CNBD1: variants seen among roughly 807,000 people sequenced by gnomAD.
The protein encoded by CNBD1 is cyclic nucleotide binding domain containing 1.
Under a neutral mutation model 54.4 loss-of-function variants are expected in CNBD1, and 71 were observed. That is an observed-to-expected ratio of 1.30 (90% CI 1.08 to 1.59). CNBD1 has a LOEUF of 1.59. Among genes scored for constraint, CNBD1 ranks in the 40% most tolerant of loss-of-function variants. The pLI, the probability that CNBD1 is intolerant of heterozygous loss-of-function variation, is 0.00. For missense variants in CNBD1, 659 were observed against 518.0 expected (o/e 1.27, Z -2.64); for synonymous variants, 182 against 170.7 (o/e 1.07, Z -0.51).
At chr8:87,240,778 C>T (rs955457678) in intron 6 of CNBD1, among the ~76,000 whole-genome samples, 6 of 152,096 alleles carry the variant, frequency 3.9e-5, no homozygotes, top group African/African-American at 1.4e-4. Flanking sequence ...GGCTCGTTTT[C>T]TCAGGGTGTT....
intron 10 of CNBD1, among the ~76,000 whole-genome samples, chr8:87,368,843 GTGCAAATC>G (rs1478703850): frequency 2.0e-5 from 3 of 151,858 alleles, no homozygotes; most frequent in African/African-American, 7.3e-5. Context: ...GTTACATTCT[GTGCAAATC>G]TGCCATAGGA....
At position 87,206,149 on chromosome 8, in the gene CNBD1, A is replaced by G; in HGVS notation, c.577+11A>G. 1 of 1,536,644 alleles carries G rather than the reference A, an allele frequency of 6.5e-7. No individual in the cohort carries two copies. The highest frequency in any genetic ancestry group is 8.8e-7 in the Non-Finnish European group (1 of 1,142,694). Reference sequence around the variant, plus strand: ...TGAAAGGCAGCACAGGTAATAGACTAATGTGGGATAAATTTGGCGAGATAA... The same window carrying G: ...TGAAAGGCAGCACAGGTAATAGACTGATGTGGGATAAATTTGGCGAGATAA... On this transcript the variant is annotated intron_variant, in intron 5 of 10. Transcript: ENST00000518476.
At chr8:87,280,638 CA>C (rs1049638679) in intron 6 of CNBD1, among the ~76,000 whole-genome samples, 1 of 151,348 alleles carries the variant, frequency 6.6e-6, no homozygotes, top group East Asian at 1.9e-4. Flanking sequence ...AAAATAAGGA[CA>C]AAAATTATAC....
intron 4 of CNBD1, among the ~76,000 whole-genome samples, chr8:87,147,281 G>T (rs1812510049): frequency 1.3e-5 from 2 of 151,922 alleles, no homozygotes; most frequent in South Asian, 2.1e-4. Context: ...CTAATTTCCA[G>T]AATATAACAT....
intron 3 of CNBD1, among the ~76,000 whole-genome samples, chr8:86,936,023 C>G (rs1199201579): frequency 6.6e-6 from 1 of 151,992 alleles, no homozygotes; most frequent in Non-Finnish European, 1.5e-5. Flanking sequence ...ACCTGTAGTA[C>G]CAGCTACTTG....
chr8:87,318,887 C>T (rs1809459600), intron 8 of CNBD1, among the ~76,000 whole-genome samples: 1 of 151,988 alleles, frequency 6.6e-6, no homozygotes, highest in Admixed American at 6.6e-5. Flanking sequence ...CATCTTAACA[C>T]TATCTTTCAT....
chr8:87,273,958 C>T (rs1808423191), intron 6 of CNBD1, among the ~76,000 whole-genome samples: 1 of 140,592 alleles, frequency 7.1e-6, no homozygotes, highest in Non-Finnish European at 1.5e-5. Flanking sequence ...GAGTGATGTT[C>T]CCCTTCCTGT....
intron 2 of CNBD1, among the ~76,000 whole-genome samples, chr8:87,400,333 CTGGATTG>C (rs1207529320): frequency 7.9e-5 from 12 of 151,954 alleles, no homozygotes; most frequent in African/African-American, 2.2e-4. Context: ...GGTACCAGGA[CTGGATTG>C]CTGGAATTGA....
rs117125681 is a variant in CNBD1, at chr8:86,928,177, C to A, written c.273-11419C>A. Among the ~76,000 whole-genome samples the A allele has an allele frequency of 3.2e-3, 481 of 152,128 alleles. 10 individuals carry two copies. In the East Asian group the frequency reaches 0.054, roughly 17 times the overall value. ...TAGGGTTTTAAGGTTTTGTTGATAT[C>A]TTGCCAAAGAAGTTATATCCTTGAC... On this transcript the variant is annotated intron_variant, in intron 3 of 10. Transcript: ENST00000518476.
intron 4 of CNBD1, among the ~76,000 whole-genome samples, chr8:86,940,618 A>G (rs1809637484): frequency 6.6e-6 from 1 of 152,192 alleles, no homozygotes; most frequent in African/African-American, 2.4e-5. Context: ...GAGTACCATG[A>G]AAATTATAGA....
At chr8:86,957,842 T>C (rs1807818969) in intron 4 of CNBD1, among the ~76,000 whole-genome samples, 1 of 152,238 alleles carries the variant, frequency 6.6e-6, no homozygotes, top group African/African-American at 2.4e-5. Context: ...AGTTTTGCTC[T>C]GATCTTAGTT....
At chr8:87,014,419 G>T (rs1809310092) in intron 4 of CNBD1, among the ~76,000 whole-genome samples, 1 of 151,332 alleles carries the variant, frequency 6.6e-6, no homozygotes, top group Non-Finnish European at 1.5e-5. Flanking sequence ...AAATATTGTT[G>T]GCTTAAATGA....
At chr8:86,948,739 C>A (rs1278770270) in intron 4 of CNBD1, among the ~76,000 whole-genome samples, 2 of 152,124 alleles carry the variant, frequency 1.3e-5, no homozygotes, top group African/African-American at 4.8e-5. Context: ...TTGTTTCCCT[C>A]ACTGTGCGTA....
intron 2 of CNBD1, among the ~76,000 whole-genome samples, chr8:86,891,677 G>A (rs903031842): frequency 6.6e-6 from 1 of 152,092 alleles, no homozygotes; most frequent in Non-Finnish European, 1.5e-5. Flanking sequence ...ACTTTTGGTA[G>A]TATGGACATT....
chr8:87,404,136 G>A (rs1481495071), intron 2 of CNBD1, among the ~76,000 whole-genome samples: 1 of 151,998 alleles, frequency 6.6e-6, no homozygotes, highest in Non-Finnish European at 1.5e-5. Context: ...AGACAGCAGG[G>A]GAGAAACTCA....
At position 87,278,080 on chromosome 8, in the gene CNBD1, CACTG is replaced by C. The variant is rs950236411; in HGVS notation, c.772-6596_772-6593del. On this transcript the variant is annotated intron_variant, in intron 6 of 10. Transcript: ENST00000518476. ...TAGATGTAGTTATTAGCAGATTAGA[CACTG>C]AAGAAGAGAGTTACTAAACTGGAAA... 9.8e-4 allele frequency among the ~76,000 whole-genome samples: 149 copies of C among 151,416 alleles called. 2 individuals are homozygous for C. Among genetic ancestry groups the C allele is most frequent in the African/African-American group, 3.4e-3 (139 of 41,410 alleles).
At chr8:87,035,661 G>GT (rs1809918581) in intron 4 of CNBD1, among the ~76,000 whole-genome samples, 1 of 152,266 alleles carries the variant, frequency 6.6e-6, no homozygotes, top group Admixed American at 6.5e-5. Flanking sequence ...GTTTGTGGCA[G>GT]TTATGATGAG....
chr8:87,029,516 CAT>C (rs1215107141), intron 4 of CNBD1, among the ~76,000 whole-genome samples: 4 of 152,202 alleles, frequency 2.6e-5, no homozygotes, highest in Middle Eastern at 3.4e-3. Context: ...CAAAATCCCT[CAT>C]GTGCTCTCAT....
chr8:87,131,109 T>G (rs138550531), intron 4 of CNBD1, among the ~76,000 whole-genome samples: 398 of 143,474 alleles, frequency 2.8e-3, no homozygotes, highest in African/African-American at 1.0e-2. Context: ...AGAATAGTTA[T>G]GTCTTGCTTT....
Sources: gnomAD v4.1 joint callset for allele counts (sites outside exome capture counted in the v4.1 genomes callset) on GRCh38, gnomAD v4.1.1 for gene constraint, MANE v1.5 for transcripts, NCBI Gene and HGNC (gene_info 2026-07-23, HGNC 2026-07-21) for gene names.